Variants in ZRANB1 observed in about 807,000 individuals in gnomAD.
The protein encoded by ZRANB1 is ubiquitin thioesterase ZRANB1.
In ZRANB1, 16 loss-of-function variants were observed where a neutral mutation model predicts 80.5. The ratio of observed to expected loss-of-function variants is 0.20; its 90% CI spans 0.13 to 0.30. The LOEUF is 0.30. Among genes scored for constraint, ZRANB1 ranks in the 10% least tolerant of loss-of-function variants. The probability of loss-of-function intolerance (pLI) is 1.00; values close to 1 mark genes in which losing one functional copy is unlikely to be tolerated. For synonymous variants in ZRANB1, 291 were observed against 293.1 expected (o/e 0.99, Z 0.07); for missense variants, 576 against 862.6 (o/e 0.67, Z 4.16).
intron 1 of ZRANB1, among the ~76,000 whole-genome samples, chr10:124,963,274 A>G (rs2134276103): frequency 6.6e-6 from 1 of 151,638 alleles, no homozygotes; most frequent in Admixed American, 6.6e-5. Flanking sequence ...TCAAAAAAAA[A>G]AAAAAAAAAA....
At chr10:124,964,454 G>T (rs11815259) in intron 1 of ZRANB1, among the ~76,000 whole-genome samples, 2 of 152,178 alleles carry the variant, frequency 1.3e-5, no homozygotes, top group East Asian at 3.9e-4. Flanking sequence ...ACAATAAAGC[G>T]ATTTGAAGAT....
At chr10:124,936,295 A>G in the ZRANB1 span, among the ~76,000 whole-genome samples, 1 of 152,214 alleles carries the variant, frequency 6.6e-6, no homozygotes, top group Non-Finnish European at 1.5e-5. Context: ...GAAGGCTTTT[A>G]TGGTAGTTCT....
intron 1 of ZRANB1, among the ~76,000 whole-genome samples, chr10:124,946,671 T>C (rs113426496): frequency 1.6e-4 from 24 of 152,302 alleles, no homozygotes; most frequent in African/African-American, 5.8e-4. Flanking sequence ...ATACGTAAGG[T>C]TATAATTATA....
rs1334068526 is a variant in ZRANB1, at chr10:124,988,038, A to AAGTC, written c.*3049_*3052dup. The AAGTC allele has an allele frequency of 6.6e-6, 1 of 152,338 alleles. No homozygotes were observed. The highest frequency in any genetic ancestry group is 1.5e-5 in the Non-Finnish European group (1 of 68,010). 9.4% of individuals were successfully genotyped at this position (152,338 alleles called of 1,614,324 possible). On this transcript the variant is annotated 3_prime_UTR_variant, in exon 9 of 9. Coordinates refer to ENST00000359653, the MANE Select transcript of ZRANB1 (RefSeq NM_017580.3). ...GGTCATTTTGCTTTGGGGTAGATTA[A>AAGTC]AGTCAGAACTCTAAAAGTTGAGCAA...
the ZRANB1 span, among the ~76,000 whole-genome samples, chr10:124,926,547 C>T: frequency 4.6e-5 from 7 of 152,222 alleles, no homozygotes; most frequent in Admixed American, 3.3e-4. Flanking sequence ...CAATAACATG[C>T]GTAGAGCTAT....
intron 5 of ZRANB1, 197 bp from the exon 6 acceptor site, chr10:124,981,512 A>G: frequency 2.3e-6 from 1 of 437,876 alleles, no homozygotes; most frequent in Non-Finnish European, 3.9e-6. Context: ...AAGATGTTAA[A>G]GGATGTTACA....
At chr10:124,957,045 A>G (rs957056240) in intron 1 of ZRANB1, among the ~76,000 whole-genome samples, 54 of 152,344 alleles carry the variant, frequency 3.5e-4, no homozygotes, top group African/African-American at 1.3e-3. Context: ...GAAATTTAAT[A>G]CTGAAAGTCT....
intron 1 of ZRANB1, among the ~76,000 whole-genome samples, chr10:124,959,561 G>A (rs573109633): frequency 1.4e-4 from 21 of 152,034 alleles, no homozygotes; most frequent in Admixed American, 1.2e-3. Flanking sequence ...AACCTTCTTG[G>A]GCTCAAGGGA....
chr10:124,983,282 T>C lies in ZRANB1; in HGVS notation c.1656T>C (p.Thr552=). 1 of 1,613,994 alleles carries C rather than the reference T, an allele frequency of 6.2e-7. No individual in the cohort carries two copies. The highest frequency in any genetic ancestry group is 1.1e-5 in the South Asian group (1 of 91,042). ...VKYYKSFRGE[T]LGYTRFQGVY... is the part of the protein sequence containing the mutation. ...ATTACAAGAGTTTCCGGGGAGAAAC[T>C]TTAGGATATACTCGGTTTCAAGGTA... The change falls in exon 7 of 9, where the codon ACT becomes ACC. Residue 552 remains threonine, a synonymous_variant. Transcript: ENST00000359653. This position sits in a 1 kb window ranked among gnomAD's most constrained non-coding sequence, Gnocchi z 6.2.
chr10:124,968,919 T>A (rs1310727321), intron 2 of ZRANB1, among the ~76,000 whole-genome samples: 1 of 152,018 alleles, frequency 6.6e-6, no homozygotes, highest in Non-Finnish European at 1.5e-5. Context: ...TCTCACAGAG[T>A]TTGTGAGGGT....
intron 1 of ZRANB1, among the ~76,000 whole-genome samples, chr10:124,963,265 CAAAA>C (rs397844792): frequency 1.6e-5 from 1 of 62,366 alleles, no homozygotes; most frequent in Non-Finnish European, 3.4e-5. Context: ...GACTCTGTCT[CAAAA>C]AAAAAAAAAA....
At chr10:124,964,048 A>G (rs1228835539) in intron 1 of ZRANB1, among the ~76,000 whole-genome samples, 1 of 152,206 alleles carries the variant, frequency 6.6e-6, no homozygotes, top group Non-Finnish European at 1.5e-5. Flanking sequence ...GGGAATGGGC[A>G]GTATGCCCGT....
the ZRANB1 span, among the ~76,000 whole-genome samples, chr10:124,928,861 C>G: frequency 6.6e-6 from 1 of 152,306 alleles, no homozygotes; most frequent in Admixed American, 6.5e-5. Flanking sequence ...ACTGATATCT[C>G]AATGACAAGA....
At position 124,942,961 on chromosome 10, in the gene ZRANB1, T is replaced by A. The variant is rs1951549603; in HGVS notation, c.468T>A (p.Ser156=). 2 of 1,614,244 alleles carry A rather than the reference T, an allele frequency of 1.2e-6. No homozygotes were observed. The highest frequency in any genetic ancestry group is 1.7e-6 in the Non-Finnish European group (2 of 1,180,034). The change falls in exon 1 of 9, where the codon TCT becomes TCA. Residue 156 remains serine, a synonymous_variant. Coordinates refer to ENST00000359653, the MANE Select transcript of ZRANB1 (RefSeq NM_017580.3). ...CTAGGACACAGCACTGGACTTGCTCTGTTTGCACATATGAAAACTGGGCCA... is the reference window on the plus strand; with the variant it reads ...CTAGGACACAGCACTGGACTTGCTCAGTTTGCACATATGAAAACTGGGCCA... ...LNTRTQHWTC[S]VCTYENWAKA... is the part of the protein sequence containing the mutation.
intron 1 of ZRANB1, among the ~76,000 whole-genome samples, chr10:124,956,174 T>C (rs147517010): frequency 1.3e-5 from 2 of 152,350 alleles, no homozygotes; most frequent in African/African-American, 4.8e-5. Flanking sequence ...ATTGATTCAG[T>C]AACGGCTTTC....
intron 1 of ZRANB1, among the ~76,000 whole-genome samples, chr10:124,963,269 A>G (rs1349151873): frequency 6.7e-6 from 1 of 150,136 alleles, no homozygotes; most frequent in Admixed American, 6.6e-5. Flanking sequence ...CTGTCTCAAA[A>G]AAAAAAAAAA....
intron 5 of ZRANB1, among the ~76,000 whole-genome samples, chr10:124,976,608 G>T (rs1232598542): frequency 6.7e-5 from 8 of 119,554 alleles, no homozygotes; most frequent in African/African-American, 2.3e-4. Flanking sequence ...GTCTTACTCT[G>T]TCGCCCAGGC....
intron 5 of ZRANB1, among the ~76,000 whole-genome samples, chr10:124,979,642 T>C (rs971025956): frequency 6.6e-6 from 1 of 152,250 alleles, no homozygotes; most frequent in African/African-American, 2.4e-5. Flanking sequence ...AAGAATTTTA[T>C]AGTTTTAACT....
At chr10:124,948,122 C>T (rs570073474) in intron 1 of ZRANB1, among the ~76,000 whole-genome samples, 1 of 152,242 alleles carries the variant, frequency 6.6e-6, no homozygotes, top group East Asian at 1.9e-4. Context: ...AATAATGCCT[C>T]TTCTTCCTCC....
Sources: allele counts gnomAD v4.1 joint callset (sites outside exome capture counted in the v4.1 genomes callset), GRCh38; gene constraint gnomAD v4.1.1; non-coding constraint Gnocchi (gnomAD v3.1); transcripts MANE v1.5; gene names NCBI Gene and HGNC (gene_info 2026-07-23, HGNC 2026-07-21).